Variants in CENATAC observed in about 807,000 individuals in gnomAD.
CENATAC encodes centrosomal AT-AC splicing factor.
Under a neutral mutation model 53.7 loss-of-function variants are expected in CENATAC, and 53 were observed. The ratio of observed to expected loss-of-function variants is 0.99; its 90% CI spans 0.79 to 1.24. The LOEUF (loss-of-function observed/expected upper bound fraction) is 1.24, where lower values mean the gene tolerates loss of function less well. Ranked by LOEUF, CENATAC falls within the 50% of genes most tolerant of loss-of-function variation. The pLI is 0.00. For synonymous variants in CENATAC, 156 were observed against 144.6 expected (o/e 1.08, Z -0.57); for missense variants, 474 against 417.8 (o/e 1.13, Z -1.17).
intron 3 of CENATAC, 113 bp from the exon 4 acceptor site, chr11:119,010,651 G>A (rs2134561149): frequency 2.2e-6 from 2 of 929,534 alleles, no homozygotes; most frequent in South Asian, 3.0e-5. Context: ...TTACTATACT[G>A]TTTTGTTTCT....
At chr11:119,011,377 CTTCT>C (rs936429614) in intron 5 of CENATAC, 94 bp downstream of exon 5, 18 of 1,210,580 alleles carry the variant, frequency 1.5e-5, no homozygotes, top group African/African-American at 9.2e-5. Flanking sequence ...GCTTCTTCTT[CTTCT>C]TTTTTTTTTG....
chr11:119,006,885 C>G (rs1258789244), intron 3 of CENATAC, among the ~76,000 whole-genome samples: 4 of 152,182 alleles, frequency 2.6e-5, no homozygotes, highest in African/African-American at 9.7e-5. Context: ...AGGGGTTTCC[C>G]CTTTCACTTG....
chr11:118,998,158 G>C lies in CENATAC; in HGVS notation c.-40G>C. 5 of 1,559,014 alleles carry C rather than the reference G, an allele frequency of 3.2e-6. No individual in the cohort carries two copies. In the South Asian group the frequency reaches 3.5e-5, roughly 11 times the overall value. ...GGGTCAGAGGCCGCCGGATGGCGTA[G>C]GATCGGCCGCTGGTGGTGGTGATAC... is the stretch of plus-strand genomic sequence containing the variant. On this transcript the variant is annotated 5_prime_UTR_variant, in exon 1 of 11. The change abolishes the stop of an existing upstream ORF in the 5' untranslated region. Coordinates refer to ENST00000334418, the MANE Select transcript of CENATAC (RefSeq NM_198489.3).
chr11:119,010,710 C>T lies in CENATAC; in HGVS notation c.384-54C>T, dbSNP rs552273387. ...AAAAAATATCTACTGAGGAGCTTTTCGTTTTAACTGGTGGGGAATGGGTTC... is the reference window on the plus strand; with the variant it reads ...AAAAAATATCTACTGAGGAGCTTTTTGTTTTAACTGGTGGGGAATGGGTTC... On this transcript the variant is annotated intron_variant, in intron 3 of 10. Transcript: ENST00000334418. 60 of 1,493,380 alleles carry T rather than the reference C, an allele frequency of 4.0e-5. No individual in the cohort carries two copies. In the South Asian group the frequency reaches 5.0e-4, roughly 12 times the overall value. 92.5% of individuals were successfully genotyped at this position (1,493,380 alleles called of 1,614,324 possible). A position where few individuals can be genotyped will look rare whatever the true frequency, so the allele number is the denominator to read the frequency against.
chr11:119,006,668 T>TCATTTTTG (rs1162222264), intron 3 of CENATAC, among the ~76,000 whole-genome samples: 1 of 152,218 alleles, frequency 6.6e-6, no homozygotes, highest in Non-Finnish European at 1.5e-5. Context: ...TGCGCCTGGC[T>TCATTTTTG]TAGTCCACCT....
At chr11:118,998,616 G>C (rs367843400) in intron 2 of CENATAC, 23 bp downstream of exon 2, 37 of 1,552,556 alleles carry the variant, frequency 2.4e-5, no homozygotes, top group Non-Finnish European at 3.1e-5. Flanking sequence ...CTAGGAGCCT[G>C]CTCCAGCACA....
intron 3 of CENATAC, among the ~76,000 whole-genome samples, chr11:119,008,869 C>T (rs576388800): frequency 6.2e-4 from 95 of 152,162 alleles, no homozygotes; most frequent in Non-Finnish European, 1.3e-3. Flanking sequence ...ACCAGATGTA[C>T]TGCTTGTAAG....
At chr11:119,012,650 C>G in intron 7 of CENATAC, 1 of 177,524 alleles carries the variant, frequency 5.6e-6, no homozygotes, top group East Asian at 1.5e-4. Context: ...TCCATTCAGC[C>G]TTTGGGCAAT....
intron 3 of CENATAC, chr11:119,001,792 C>T: frequency 2.3e-6 from 1 of 426,342 alleles, no homozygotes; most frequent in South Asian, 1.7e-5. Context: ...TGTGGTGGTG[C>T]ACACCTGTAG....
At chr11:119,013,211 T>C (rs782428143) in intron 7 of CENATAC, 21 bp from the exon 8 acceptor site, 1 of 1,599,192 alleles carries the variant, frequency 6.3e-7, no homozygotes, top group Non-Finnish European at 8.5e-7. Flanking sequence ...CTAGCACTTT[T>C]TTTCCCATTT....
chr11:119,010,360 T>A (rs1942809439), intron 3 of CENATAC: 1 of 167,858 alleles, frequency 6.0e-6, no homozygotes, highest in Non-Finnish European at 1.3e-5. Context: ...GAGGGAAATG[T>A]GAATATAGCC....
In CENATAC at chr11:119,006,965, C is replaced by T. The variant is rs73559112; in HGVS notation, c.384-3799C>T. Among the ~76,000 whole-genome samples the T allele has an allele frequency of 8.9e-3, 1,363 of 152,302 alleles. 23 individuals are homozygous for T. The highest frequency in any genetic ancestry group is 0.031 in the African/African-American group (1,281 of 41,566). On this transcript the variant is annotated intron_variant, in intron 3 of 10. Transcript: ENST00000334418. ...CTTCTGCTGTGATTATAAGGCCTCC[C>T]CGGCCACATGGAACTGTGTGAGTCT... is the stretch of plus-strand genomic sequence containing the variant.
chr11:119,008,961 C>T (rs1192662984), intron 3 of CENATAC, among the ~76,000 whole-genome samples: 1 of 152,084 alleles, frequency 6.6e-6, no homozygotes, highest in Non-Finnish European at 1.5e-5. Flanking sequence ...TTGTGAGCTC[C>T]AAGTTGGGTC....
chr11:119,012,215 G>A lies in CENATAC; in HGVS notation c.645G>A (p.Trp215Ter), dbSNP rs1189245923. ...TGCCACCAGCTCCAGAGCTTGACTGGATGGAGACAGGACCATCTCTGACAT... is the reference window on the plus strand; with the variant it reads ...TGCCACCAGCTCCAGAGCTTGACTGAATGGAGACAGGACCATCTCTGACAT... ...LDLPPAPELDWMETGPSLTFI... is the reference protein window; with the variant it reads ...LDLPPAPELD The change falls in exon 7 of 11, where the codon TGG (tryptophan) becomes TGA (stop). Residue 215 changes from tryptophan to a stop codon, truncating the protein, a stop_gained. Coordinates refer to ENST00000334418, the MANE Select transcript of CENATAC (RefSeq NM_198489.3). LOFTEE classifies it high-confidence loss of function. 1.9e-6 allele frequency: 3 copies of A among 1,613,966 alleles called. No individual in the cohort carries two copies. The highest frequency in any genetic ancestry group is 2.5e-6 in the Non-Finnish European group (3 of 1,180,038).
In CENATAC at chr11:119,011,928, A is replaced by C; in HGVS notation, c.514-11A>C. 1 of 1,613,688 alleles carries C rather than the reference A, an allele frequency of 6.2e-7. No homozygotes were observed. Among genetic ancestry groups the C allele is most frequent in the Non-Finnish European group, 8.5e-7 (1 of 1,179,722 alleles). Reference sequence around the variant, plus strand: ...TCCCAGACACATTTATTTTTCCTGAATCAAACTCAGCCTCAGGCAGTGCCA... The same window carrying C: ...TCCCAGACACATTTATTTTTCCTGACTCAAACTCAGCCTCAGGCAGTGCCA... On this transcript the variant is annotated splice_polypyrimidine_tract_variant and intron_variant, in intron 5 of 10. Transcript: ENST00000334418.
intron 3 of CENATAC, among the ~76,000 whole-genome samples, chr11:119,002,119 G>T (rs1289389016): frequency 2.0e-5 from 3 of 150,854 alleles, no homozygotes; most frequent in African/African-American, 7.3e-5. Flanking sequence ...AGCTACTCGG[G>T]AGGGTGAGGC....
At position 119,015,743 on chromosome 11, in the gene CENATAC, G is replaced by A. The variant is rs1943139342; in HGVS notation, c.*145G>A. ...TTAATAAAGTTTTATTTTTCCAAAT[G>A]TACAGCTGGTTGGACCTGTAAAAAA... is the stretch of plus-strand genomic sequence containing the variant. On this transcript the variant is annotated 3_prime_UTR_variant, in exon 11 of 11. Coordinates refer to ENST00000334418, the MANE Select transcript of CENATAC (RefSeq NM_198489.3). The A allele has an allele frequency of 3.2e-6, 4 of 1,256,268 alleles. No homozygotes were observed. Among genetic ancestry groups the A allele is most frequent in the Middle Eastern group, 1.9e-4 (1 of 5,180 alleles). 77.8% of individuals were successfully genotyped at this position (1,256,268 alleles called of 1,614,324 possible). A position where few individuals can be genotyped will look rare whatever the true frequency, so the allele number is the denominator to read the frequency against.
Position 119,012,273 on chromosome 11 carries a change from C to G in CENATAC, c.684+19C>G. The G allele has an allele frequency of 2.5e-6, 4 of 1,612,836 alleles. No homozygotes were observed. The highest frequency in any genetic ancestry group is 3.4e-6 in the Non-Finnish European group (4 of 1,179,212). ...CCATCAGGTACAAAGGATAAGCAAG[C>G]CAGAAGAGGGCCAATGGTCCCTCAG... On this transcript the variant is annotated intron_variant, in intron 7 of 10. Coordinates refer to ENST00000334418, the MANE Select transcript of CENATAC (RefSeq NM_198489.3).
chr11:119,013,367 C>T, intron 8 of CENATAC, 105 bp downstream of exon 8: 1 of 782,482 alleles, frequency 1.3e-6, no homozygotes. Context: ...GCAATCTCAG[C>T]TCGCTGCAAC....
Sources: allele counts gnomAD v4.1 joint callset (sites outside exome capture counted in the v4.1 genomes callset), GRCh38; gene constraint gnomAD v4.1.1; transcripts MANE v1.5; gene names NCBI Gene and HGNC (gene_info 2026-07-23, HGNC 2026-07-21).